RANBP2: variants seen among roughly 807,000 people sequenced by gnomAD.
The protein encoded by RANBP2 is E3 SUMO-protein ligase RanBP2.
A neutral mutation model predicts 303.6 loss-of-function variants in RANBP2; 57 were observed. That is an observed-to-expected ratio of 0.19 (90% CI 0.15 to 0.23). The LOEUF is 0.23. Among genes scored for constraint, RANBP2 ranks in the 10% least tolerant of loss-of-function variants. The probability of loss-of-function intolerance (pLI) is 1.00; values close to 1 mark genes in which losing one functional copy is unlikely to be tolerated. For synonymous variants in RANBP2, 1,167 were observed against 1,301.5 expected, an observed-to-expected ratio of 0.90 and a Z score of 2.23; for missense variants, 3,138 against 3,780.8, an observed-to-expected ratio of 0.83 and a Z score of 4.46.
the RANBP2 span, chr2:109,585,102 T>C: frequency 6.8e-7 from 1 of 1,463,360 alleles, no homozygotes; most frequent in Non-Finnish European, 9.1e-7. Flanking sequence ...AAAACTTGTT[T>C]TATTACAAGA....
intron 25 of RANBP2, among the ~76,000 whole-genome samples, 197 bp from the exon 26 acceptor site, chr2:108,781,072 T>G (rs1678222858): frequency 6.6e-6 from 1 of 151,916 alleles, no homozygotes; most frequent in Non-Finnish European, 1.5e-5. Flanking sequence ...CTCGAACCCC[T>G]GACCTCAGGT....
At chr2:109,134,297 G>T in the RANBP2 span, among the ~76,000 whole-genome samples, 1 of 152,134 alleles carries the variant, frequency 6.6e-6, no homozygotes. Context: ...ATGTTGTCGT[G>T]GTTCGGTCTT....
At chr2:108,891,698 A>G in the RANBP2 span, among the ~76,000 whole-genome samples, 1 of 152,112 alleles carries the variant, frequency 6.6e-6, no homozygotes, top group Admixed American at 6.5e-5. Flanking sequence ...TTGGGTGTGT[A>G]GGTGGGTTTT....
the RANBP2 span, among the ~76,000 whole-genome samples, chr2:109,763,555 C>T: frequency 6.7e-6 from 1 of 149,612 alleles, no homozygotes; most frequent in African/African-American, 2.5e-5. Flanking sequence ...AAGTTAAGGT[C>T]CTACTAAAAT....
At chr2:109,401,828 T>C in the RANBP2 span, among the ~76,000 whole-genome samples, 1 of 152,202 alleles carries the variant, frequency 6.6e-6, no homozygotes, top group South Asian at 2.1e-4. Context: ...TGCAGTCTGA[T>C]GTCTATTGGG....
chr2:108,916,467 G>A, the RANBP2 span, among the ~76,000 whole-genome samples: 5 of 152,084 alleles, frequency 3.3e-5, no homozygotes, highest in African/African-American at 1.2e-4. Context: ...ACACAATGAC[G>A]TCCCCAAACA....
At chr2:109,522,772 T>C in the RANBP2 span, among the ~76,000 whole-genome samples, 2 of 152,128 alleles carry the variant, frequency 1.3e-5, no homozygotes, top group East Asian at 1.9e-4. Context: ...GCTCCTGGGA[T>C]TAGGAACCAT....
At chr2:108,988,646 G>A in the RANBP2 span, among the ~76,000 whole-genome samples, 3 of 152,126 alleles carry the variant, frequency 2.0e-5, no homozygotes, top group South Asian at 2.1e-4. Context: ...TACTTTTCAC[G>A]CTCCCTGGAG....
the RANBP2 span, among the ~76,000 whole-genome samples, chr2:108,985,623 T>A: frequency 2.0e-5 from 3 of 152,196 alleles, no homozygotes; most frequent in Non-Finnish European, 2.9e-5. Context: ...AAGCAGGACC[T>A]CCAGCTTCAC....
chr2:109,319,431 G>T, the RANBP2 span, among the ~76,000 whole-genome samples: 1 of 152,192 alleles, frequency 6.6e-6, no homozygotes, highest in African/African-American at 2.4e-5. Flanking sequence ...AGCCTGCTGG[G>T]CTGAAAGCTT....
At chr2:109,492,490 C>G in the RANBP2 span, among the ~76,000 whole-genome samples, 1 of 152,178 alleles carries the variant, frequency 6.6e-6, no homozygotes, top group Non-Finnish European at 1.5e-5. Flanking sequence ...TCAGAACACT[C>G]AGCAGTGGGC....
the RANBP2 span, among the ~76,000 whole-genome samples, chr2:109,186,105 A>G: frequency 6.6e-6 from 1 of 152,230 alleles, no homozygotes; most frequent in African/African-American, 2.4e-5. Context: ...TAACTTCAGG[A>G]GAGGGCAGGC....
chr2:109,637,615 AT>A, the RANBP2 span, among the ~76,000 whole-genome samples: 4 of 152,198 alleles, frequency 2.6e-5, no homozygotes, highest in African/African-American at 7.2e-5. Flanking sequence ...GCTTGTAAAC[AT>A]TTTGTTAACA....
the RANBP2 span, among the ~76,000 whole-genome samples, chr2:109,340,454 C>T: frequency 1.3e-5 from 2 of 152,142 alleles, no homozygotes; most frequent in Non-Finnish European, 1.5e-5. Context: ...CACCCAAGGA[C>T]CATGCATTGG....
the RANBP2 span, among the ~76,000 whole-genome samples, chr2:108,879,595 A>G: frequency 6.6e-6 from 1 of 152,252 alleles, no homozygotes; most frequent in Admixed American, 6.5e-5. Context: ...ACTTTCTAAT[A>G]GAAAAATATA....
chr2:109,721,625 G>C, the RANBP2 span, among the ~76,000 whole-genome samples: 1 of 152,234 alleles, frequency 6.6e-6, no homozygotes, highest in African/African-American at 2.4e-5. Flanking sequence ...GGTGGTGGCT[G>C]TTTCGGTCTT....
the RANBP2 span, among the ~76,000 whole-genome samples, chr2:109,461,067 A>G: frequency 8.5e-5 from 13 of 152,234 alleles, no homozygotes; most frequent in African/African-American, 1.7e-4. Flanking sequence ...AAGGCAGCAT[A>G]GCAGGAGTGG....
At chr2:109,287,828 C>A in the RANBP2 span, among the ~76,000 whole-genome samples, 355 of 152,322 alleles carry the variant, frequency 2.3e-3, 1 homozygote, top group African/African-American at 8.1e-3. Flanking sequence ...GCTGCACTCT[C>A]CTGTGTGCAG....
chr2:109,341,465 G>A, the RANBP2 span, among the ~76,000 whole-genome samples: 1 of 152,222 alleles, frequency 6.6e-6, no homozygotes, highest in Non-Finnish European at 1.5e-5. Flanking sequence ...ACAGTGCTAT[G>A]AAAGTCAGTG....
Sources: allele counts gnomAD v4.1 joint callset (sites outside exome capture counted in the v4.1 genomes callset), GRCh38; gene constraint gnomAD v4.1.1; transcripts MANE v1.5; gene names NCBI Gene and HGNC (gene_info 2026-07-23, HGNC 2026-07-21).